MEGF10: variants seen among roughly 807,000 people sequenced by gnomAD.
MEGF10 encodes the protein multiple EGF like domains 10, also known as multiple epidermal growth factor-like domains protein 10.
Under a neutral mutation model 147.5 loss-of-function variants are expected in MEGF10, and 86 were observed. That is an observed-to-expected ratio of 0.58 (90% confidence interval 0.49 to 0.70). MEGF10 has a LOEUF of 0.70. MEGF10 is among the 30% of genes least tolerant of loss of function. The probability of loss-of-function intolerance (pLI) is 0.00; values close to 1 mark genes in which losing one functional copy is unlikely to be tolerated. For synonymous variants in MEGF10, 478 were observed against 525.5 expected, an observed-to-expected ratio of 0.91 and a Z score of 1.24; for missense variants, 1,329 against 1,487.3, an observed-to-expected ratio of 0.89 and a Z score of 1.75.
intron 4 of MEGF10, among the ~76,000 whole-genome samples, chr5:127,363,961 T>C (rs1762567855): frequency 6.6e-6 from 1 of 152,138 alleles, no homozygotes; most frequent in African/African-American, 2.4e-5. Flanking sequence ...AAAAAGTGTG[T>C]GAAGCAGCTG....
chr5:127,236,609 C>T, the MEGF10 span, among the ~76,000 whole-genome samples: 1 of 152,176 alleles, frequency 6.6e-6, no homozygotes, highest in Non-Finnish European at 1.5e-5. Flanking sequence ...TTCCCAAGGA[C>T]GTCACCCTCT....
At chr5:127,269,853 A>G in the MEGF10 span, among the ~76,000 whole-genome samples, 1 of 152,188 alleles carries the variant, frequency 6.6e-6, no homozygotes, top group Admixed American at 6.5e-5. Context: ...GTACACACAA[A>G]AGGAAACCCA....
chr5:127,272,759 G>A, the MEGF10 span, among the ~76,000 whole-genome samples: 2 of 152,144 alleles, frequency 1.3e-5, no homozygotes, highest in African/African-American at 4.8e-5. Flanking sequence ...GAATGCTAGC[G>A]ATTTTTGCAC....
At chr5:127,247,225 G>GA in the MEGF10 span, among the ~76,000 whole-genome samples, 6,402 of 133,756 alleles carry the variant, frequency 0.048, 338 homozygotes, top group African/African-American at 0.11. Context: ...CATTAGAGGA[G>GA]AAAAAAAAAC....
chr5:127,440,256 A>ATT, intron 17 of MEGF10, among the ~76,000 whole-genome samples: 1 of 152,322 alleles, frequency 6.6e-6, no homozygotes, highest in East Asian at 1.9e-4. Context: ...AGGGAAGTTG[A>ATT]TATTATCTAA....
the MEGF10 span, among the ~76,000 whole-genome samples, chr5:127,273,489 T>C: frequency 1.3e-5 from 2 of 152,260 alleles, no homozygotes; most frequent in East Asian, 3.8e-4. Context: ...CAGCTGCTTC[T>C]AATTGGCCAT....
chr5:127,396,834 G>A (rs759727005), intron 6 of MEGF10, 56 bp downstream of exon 6: 166 of 1,571,834 alleles, frequency 1.1e-4, no homozygotes, highest in Non-Finnish European at 1.4e-4. Flanking sequence ...CTCCATTCAT[G>A]CTGCTGCTGC....
At chr5:127,269,860 C>T in the MEGF10 span, among the ~76,000 whole-genome samples, 1 of 152,156 alleles carries the variant, frequency 6.6e-6, no homozygotes, top group Non-Finnish European at 1.5e-5. Flanking sequence ...CAAAAGGAAA[C>T]CCATCAGACT....
At chr5:127,378,049 T>C (rs1299964432) in intron 5 of MEGF10, among the ~76,000 whole-genome samples, 1 of 152,118 alleles carries the variant, frequency 6.6e-6, no homozygotes, top group Non-Finnish European at 1.5e-5. Flanking sequence ...TGATTTTGCC[T>C]TTCCTAAGGA....
intron 1 of MEGF10, among the ~76,000 whole-genome samples, chr5:127,305,593 A>G (rs966253835): frequency 6.6e-6 from 1 of 152,062 alleles, no homozygotes; most frequent in Middle Eastern, 3.2e-3. Flanking sequence ...AAGCAAAGGC[A>G]CTTTTCTTCC....
intron 5 of MEGF10, among the ~76,000 whole-genome samples, chr5:127,377,826 C>G (rs1763091952): frequency 6.6e-6 from 1 of 152,192 alleles, no homozygotes; most frequent in African/African-American, 2.4e-5. Context: ...CAGTCATTAA[C>G]AGGCCTGTTG....
chr5:127,247,277 G>T, the MEGF10 span, among the ~76,000 whole-genome samples: 1 of 129,566 alleles, frequency 7.7e-6, no homozygotes, highest in African/African-American at 2.8e-5. Context: ...CAAAGTGTGT[G>T]TGTGGTTGGG....
intron 1 of MEGF10, among the ~76,000 whole-genome samples, chr5:127,328,777 G>A (rs887806765): frequency 6.6e-6 from 1 of 151,568 alleles, no homozygotes; most frequent in African/African-American, 2.4e-5. Context: ...CAGCCTTCAT[G>A]TCTTTGAGGA....
chr5:127,431,055 A>G (rs1402700469), intron 13 of MEGF10, among the ~76,000 whole-genome samples: 2 of 152,214 alleles, frequency 1.3e-5, no homozygotes, highest in African/African-American at 4.8e-5. Context: ...TTCTCTGGAA[A>G]TGAAATGATG....
intron 16 of MEGF10, among the ~76,000 whole-genome samples, chr5:127,435,691 C>T (rs550769851): frequency 4.6e-5 from 7 of 151,234 alleles, no homozygotes; most frequent in African/African-American, 1.7e-4. Flanking sequence ...ATGTTTAAAT[C>T]CAAATAATGT....
At position 127,447,680 on chromosome 5, in the gene MEGF10, C is replaced by G. The variant is rs755639288; in HGVS notation, c.2852C>G (p.Thr951Arg). Reference sequence around the variant, plus strand: ...AACAACAGGGACAGGATGACTGTCACGAAGGTGAGAGGAATTGGTTCAAGT... The same window carrying G: ...AACAACAGGGACAGGATGACTGTCAGGAAGGTGAGAGGAATTGGTTCAAGT... Reference protein sequence around the residue: ...HVNNRDRMTVTKSKNNQLFVN... With the variant: ...HVNNRDRMTVRKSKNNQLFVN... Residue 951 changes from threonine (T) to arginine (R), a missense_variant, in exon 21 of 25, where the codon ACG (threonine) becomes AGG (arginine). Thr to Arg is a moderately conservative substitution (Grantham distance 71, BLOSUM62 -1). Coordinates refer to ENST00000503335, the MANE Select transcript of MEGF10 (RefSeq NM_001256545.2). 1.8e-5 allele frequency: 29 copies of G among 1,613,794 alleles called. No homozygotes were observed. The South Asian group carries it at 2.5e-4, about 14-fold the overall frequency.
At chr5:127,247,379 A>G in the MEGF10 span, among the ~76,000 whole-genome samples, 3 of 13,852 alleles carry the variant, frequency 2.2e-4, no homozygotes, top group African/African-American at 7.7e-4. Flanking sequence ...AAGAAGAAGA[A>G]GAAGAAGAAG....
chr5:127,359,560 C>A (rs1762402815), intron 4 of MEGF10, among the ~76,000 whole-genome samples: 1 of 152,084 alleles, frequency 6.6e-6, no homozygotes, highest in Non-Finnish European at 1.5e-5. Flanking sequence ...CTCAGGCAAC[C>A]ATTGATCAGC....
At chr5:127,423,527 C>A (rs983911375) in intron 13 of MEGF10, among the ~76,000 whole-genome samples, 2 of 152,102 alleles carry the variant, frequency 1.3e-5, no homozygotes, top group African/African-American at 4.8e-5. Context: ...CCATTTTTTT[C>A]ATTTCCTCAC....
Sources: gnomAD v4.1 joint callset for allele counts (sites outside exome capture counted in the v4.1 genomes callset) on GRCh38, gnomAD v4.1.1 for gene constraint, MANE v1.5 for transcripts, NCBI Gene and HGNC (gene_info 2026-07-23, HGNC 2026-07-21) for gene names.